Variants in NRG1 observed in about 807,000 individuals in gnomAD.
NRG1 encodes the protein neuregulin 1.
A neutral mutation model predicts 63.8 loss-of-function variants in NRG1; 18 were observed. The ratio of observed to expected loss-of-function variants is 0.28; its 90% CI spans 0.19 to 0.42. The LOEUF (loss-of-function observed/expected upper bound fraction) is 0.42, where lower values mean the gene tolerates loss of function less well. Ranked by LOEUF, NRG1 falls within the 10% of genes least tolerant of loss-of-function variation. The probability of loss-of-function intolerance (pLI) is 1.00; values close to 1 mark genes in which losing one functional copy is unlikely to be tolerated. For synonymous variants in NRG1, 302 were observed against 301.3 expected, an observed-to-expected ratio of 1.00 and a Z score of -0.02; for missense variants, 762 against 814.7, an observed-to-expected ratio of 0.94 and a Z score of 0.79.
At chr8:31,835,273 T>A (rs2129606925) in intron 1 of NRG1, among the ~76,000 whole-genome samples, 1 of 152,324 alleles carries the variant, frequency 6.6e-6, no homozygotes, top group South Asian at 2.1e-4. Context: ...AACTCAGGGT[T>A]GCCTGCCTCT....
chr8:32,065,757 C>T (rs1824685294), intron 1 of NRG1, among the ~76,000 whole-genome samples: 1 of 152,102 alleles, frequency 6.6e-6, no homozygotes, highest in South Asian at 2.1e-4. Context: ...TGAGGAATCG[C>T]CACCCTGACT....
At chr8:31,841,237 G>T (rs997346659) in intron 1 of NRG1, among the ~76,000 whole-genome samples, 9 of 152,042 alleles carry the variant, frequency 5.9e-5, no homozygotes, top group East Asian at 1.9e-4. Flanking sequence ...AGGTAGGAAT[G>T]GGGGGTGGGT....
chr8:31,730,207 TA>T, intron 1 of NRG1, among the ~76,000 whole-genome samples: 2 of 152,326 alleles, frequency 1.3e-5, no homozygotes, highest in Non-Finnish European at 2.9e-5. Flanking sequence ...ATTATTTCTG[TA>T]ACCAAGATTC....
At chr8:32,630,520 A>T (rs1301392187) in intron 5 of NRG1, among the ~76,000 whole-genome samples, 1 of 152,204 alleles carries the variant, frequency 6.6e-6, no homozygotes, top group Non-Finnish European at 1.5e-5. Flanking sequence ...TTATTCAAAG[A>T]AAAGAATAAA....
chr8:31,753,700 T>C (rs1816701331), intron 1 of NRG1, among the ~76,000 whole-genome samples: 1 of 152,080 alleles, frequency 6.6e-6, no homozygotes, highest in Non-Finnish European at 1.5e-5. Context: ...AAAGAAAAAC[T>C]AAAAACTAGT....
At chr8:32,229,283 T>G (rs1846652199) in intron 1 of NRG1, among the ~76,000 whole-genome samples, 1 of 152,120 alleles carries the variant, frequency 6.6e-6, no homozygotes, top group African/African-American at 2.4e-5. Flanking sequence ...GCAAATAATG[T>G]AAGGTTTTGT....
intron 1 of NRG1, among the ~76,000 whole-genome samples, chr8:32,431,180 C>G (rs1363180532): frequency 6.6e-6 from 1 of 152,152 alleles, no homozygotes; most frequent in East Asian, 1.9e-4. Context: ...CTTTCTGATT[C>G]TAGAGCGTAT....
At chr8:32,478,475 C>T (rs1040401966) in intron 1 of NRG1, among the ~76,000 whole-genome samples, 14 of 152,254 alleles carry the variant, frequency 9.2e-5, no homozygotes, top group Admixed American at 2.0e-4. Flanking sequence ...GTTTGTTTTA[C>T]GTATTATTTA....
intron 7 of NRG1, among the ~76,000 whole-genome samples, chr8:32,745,739 T>A (rs1281393289): frequency 2.0e-5 from 3 of 151,900 alleles, no homozygotes; most frequent in African/African-American, 7.3e-5. Flanking sequence ...CCATAATCAA[T>A]GTACAGATTT....
At chr8:32,609,289 C>G (rs570024529) in intron 3 of NRG1, among the ~76,000 whole-genome samples, 1 of 152,276 alleles carries the variant, frequency 6.6e-6, no homozygotes, top group African/African-American at 2.4e-5. Flanking sequence ...TTGCTATATT[C>G]TGTTCAATGC....
At chr8:32,684,360 G>C (rs60916319) in intron 5 of NRG1, among the ~76,000 whole-genome samples, 2,901 of 152,188 alleles carry the variant, frequency 0.019, 101 homozygotes, top group African/African-American at 0.067. Flanking sequence ...CTTTTGACCT[G>C]TGTCATTAAA....
At chr8:32,432,917 TA>T (rs1198986084) in intron 1 of NRG1, among the ~76,000 whole-genome samples, 1 of 152,174 alleles carries the variant, frequency 6.6e-6, no homozygotes, top group African/African-American at 2.4e-5. Context: ...ACACAATGAT[TA>T]AATTTAGTTT....
chr8:32,415,741 T>C (rs1372742691), intron 1 of NRG1, among the ~76,000 whole-genome samples: 1 of 152,228 alleles, frequency 6.6e-6, no homozygotes, highest in Non-Finnish European at 1.5e-5. Flanking sequence ...TTTGTATTTG[T>C]ATCCCTCCTT....
At chr8:32,241,606 G>A (rs1236392255) in intron 1 of NRG1, among the ~76,000 whole-genome samples, 1 of 152,144 alleles carries the variant, frequency 6.6e-6, no homozygotes. Context: ...TCTATATGGA[G>A]ATCTCAAAAT....
chr8:31,789,726 C>T (rs891082851), intron 1 of NRG1, among the ~76,000 whole-genome samples: 2 of 152,118 alleles, frequency 1.3e-5, no homozygotes, highest in African/African-American at 4.8e-5. Flanking sequence ...TGTCATGGCC[C>T]TTACATCCTT....
intron 1 of NRG1, among the ~76,000 whole-genome samples, chr8:32,189,938 A>G (rs1842326165): frequency 6.6e-6 from 1 of 152,200 alleles, no homozygotes; most frequent in Non-Finnish European, 1.5e-5. Flanking sequence ...ATGTTAAATG[A>G]ATGATACATT....
intron 1 of NRG1, among the ~76,000 whole-genome samples, chr8:31,865,681 T>G (rs919538859): frequency 6.6e-6 from 1 of 152,102 alleles, no homozygotes; most frequent in Admixed American, 6.6e-5. Flanking sequence ...TGCTCCCCCT[T>G]CTGCCACAAT....
At chr8:32,673,211 A>G (rs1431407898) in intron 5 of NRG1, among the ~76,000 whole-genome samples, 1 of 152,234 alleles carries the variant, frequency 6.6e-6, no homozygotes, top group African/African-American at 2.4e-5. Flanking sequence ...AATGTATTAT[A>G]TGAAGGAAAG....
chr8:32,705,155 C>T (rs1245924128), intron 5 of NRG1, among the ~76,000 whole-genome samples: 12 of 137,792 alleles, frequency 8.7e-5, no homozygotes, highest in South Asian at 2.3e-4. Context: ...TTTTTTGAGA[C>T]GGAGTCTCGC....
Sources: gnomAD v4.1 joint callset for allele counts (sites outside exome capture counted in the v4.1 genomes callset) on GRCh38, gnomAD v4.1.1 for gene constraint, MANE v1.5 for transcripts, NCBI Gene and HGNC (gene_info 2026-07-23, HGNC 2026-07-21) for gene names.